The following ZNF66 variants were observed in gnomAD, a reference collection of about 807,000 sequenced individuals.
ZNF66 encodes the protein zinc finger protein 66, also known as putative zinc finger protein 66.
In ZNF66, 32 loss-of-function variants were observed where a neutral mutation model predicts 35.2. The observed-to-expected ratio is 0.91, with a 90% confidence interval of 0.69 to 1.22. The LOEUF is 1.22. Ranked by LOEUF, ZNF66 falls within the 50% of genes most tolerant of loss-of-function variation. The pLI, the probability that ZNF66 is intolerant of heterozygous loss-of-function variation, is 0.00. For synonymous variants in ZNF66, 231 were observed against 181.3 expected (o/e 1.27, Z -2.20); for missense variants, 666 against 543.1 (o/e 1.23, Z -2.25).
chr19:20,788,514 C>T (rs979679710), intron 1 of ZNF66, among the ~76,000 whole-genome samples: 2 of 152,042 alleles, frequency 1.3e-5, no homozygotes, highest in East Asian at 3.9e-4. Flanking sequence ...AAGTGATTCT[C>T]CTGCTTCAGC....
At chr19:20,778,656 G>T (rs1158375898) in intron 1 of ZNF66, among the ~76,000 whole-genome samples, 2 of 151,862 alleles carry the variant, frequency 1.3e-5, no homozygotes, top group Non-Finnish European at 2.9e-5. Context: ...GGTGGCATAT[G>T]CCTGTATTCC....
At chr19:20,797,555 G>GT (rs34886765) in intron 3 of ZNF66, among the ~76,000 whole-genome samples, 93,782 of 144,872 alleles carry the variant, frequency 0.65, 30,665 homozygotes, top group Non-Finnish European at 0.67. Flanking sequence ...ATATTAGTGT[G>GT]TTTTTCAGTG....
chr19:20,788,526 TCCTGAGTAG>T (rs1971307655), intron 1 of ZNF66, among the ~76,000 whole-genome samples: 1 of 152,052 alleles, frequency 6.6e-6, no homozygotes, highest in South Asian at 2.1e-4. Flanking sequence ...TGCTTCAGCC[TCCTGAGTAG>T]CTGGCATTAC....
chr19:20,795,121 C>T lies in ZNF66; in HGVS notation c.226+1243C>T, dbSNP rs144607170. On this transcript the variant is annotated intron_variant, in intron 3 of 3. Transcript: ENST00000344519. ...AACTCCTGACCTCAGATGATCTGCC[C>T]GCCTCTGCCTCCCAAAATGTTGGGA... Among the ~76,000 whole-genome samples the T allele has an allele frequency of 4.1e-3, 630 of 152,028 alleles. 2 individuals are homozygous for T. The highest frequency in any genetic ancestry group is 0.014 in the African/African-American group (583 of 41,496).
chr19:20,795,822 G>C (rs1490157277), intron 3 of ZNF66, among the ~76,000 whole-genome samples: 1 of 152,160 alleles, frequency 6.6e-6, no homozygotes, highest in Non-Finnish European at 1.5e-5. Flanking sequence ...CAGGTCTCTT[G>C]AATGTCAGGA....
At chr19:20,785,735 T>C (rs192102330) in intron 1 of ZNF66, among the ~76,000 whole-genome samples, 1 of 151,670 alleles carries the variant, frequency 6.6e-6, no homozygotes, top group Non-Finnish European at 1.5e-5. Context: ...CTGGAGAAAA[T>C]TTTTCTTCTT....
At chr19:20,788,202 C>T (rs935360456) in intron 1 of ZNF66, among the ~76,000 whole-genome samples, 2 of 152,080 alleles carry the variant, frequency 1.3e-5, no homozygotes, top group East Asian at 3.9e-4. Context: ...GCTTCAATTT[C>T]ATATAGCCAT....
intron 1 of ZNF66, among the ~76,000 whole-genome samples, chr19:20,789,673 T>A (rs1054721915): frequency 6.6e-5 from 10 of 151,998 alleles, no homozygotes; most frequent in African/African-American, 1.7e-4. Flanking sequence ...CCTTATAATT[T>A]AAAAAAAATT....
At chr19:20,793,999 GT>G (rs760761945) in intron 3 of ZNF66, 121 bp downstream of exon 3, 26 of 533,408 alleles carry the variant, frequency 4.9e-5, no homozygotes, top group South Asian at 1.4e-4. Flanking sequence ...CTGGGCAGCT[GT>G]TTTTTTTGTT....
chr19:20,792,373 G>T, intron 1 of ZNF66, 139 bp from the exon 2 acceptor site: 1 of 770,462 alleles, frequency 1.3e-6, no homozygotes, highest in Non-Finnish European at 1.9e-6. Flanking sequence ...TTTCTGTGTT[G>T]AAAATTATTT....
chr19:20,796,471 A>G (rs906691297), intron 3 of ZNF66, among the ~76,000 whole-genome samples: 13 of 152,164 alleles, frequency 8.5e-5, no homozygotes, highest in Non-Finnish European at 1.5e-4. Context: ...GGCAAAAAGG[A>G]ATTAAAGGAT....
At chr19:20,804,440 T>C (rs1383546997) in intron 3 of ZNF66, among the ~76,000 whole-genome samples, 1 of 152,062 alleles carries the variant, frequency 6.6e-6, no homozygotes, top group Non-Finnish European at 1.5e-5. Context: ...AGATAAGGTT[T>C]CACCATGTTG....
chr19:20,807,451 A>C lies in ZNF66; in HGVS notation c.*129A>C. 1.8e-6 allele frequency: 1 copy of C among 542,564 alleles called. No individual in the cohort carries two copies. 33.6% of individuals were successfully genotyped at this position (542,564 alleles called of 1,614,324 possible). A position where few individuals can be genotyped will look rare whatever the true frequency, so the allele number is the denominator to read the frequency against. On this transcript the variant is annotated 3_prime_UTR_variant, in exon 4 of 4. Coordinates refer to ENST00000344519, the MANE Select transcript of ZNF66 (RefSeq NM_001355197.2). Reference sequence around the variant, plus strand: ...AAATATGAGAATTTATGGAACACAAACACTACAAATATAAAGAATGTGACA... The same window carrying C: ...AAATATGAGAATTTATGGAACACAACCACTACAAATATAAAGAATGTGACA...
chr19:20,802,229 G>A (rs1442760931), intron 3 of ZNF66, among the ~76,000 whole-genome samples: 1 of 152,008 alleles, frequency 6.6e-6, no homozygotes, highest in Non-Finnish European at 1.5e-5. Flanking sequence ...ATATACTTTT[G>A]GATTTGCTGT....
At chr19:20,795,019 T>C (rs1483924492) in intron 3 of ZNF66, among the ~76,000 whole-genome samples, 1 of 151,506 alleles carries the variant, frequency 6.6e-6, no homozygotes, top group African/African-American at 2.4e-5. Flanking sequence ...TTACAGGTGT[T>C]CACCACAACA....
Position 20,797,189 on chromosome 19 carries a change from A to ATTTTTTTTT in ZNF66, c.226+3339_226+3347dup, listed in dbSNP as rs142052913. 1.8e-3 allele frequency among the ~76,000 whole-genome samples: 80 copies of ATTTTTTTTT among 45,480 alleles called. 14 individuals carry two copies. The highest frequency in any genetic ancestry group is 2.3e-3 in the Non-Finnish European group (56 of 24,166). 29.8% of individuals were successfully genotyped at this position (45,480 alleles called of 152,430 possible). On this transcript the variant is annotated intron_variant, in intron 3 of 3. Coordinates refer to ENST00000344519, the MANE Select transcript of ZNF66 (RefSeq NM_001355197.2). Reference sequence around the variant, plus strand: ...ATAATGCATCAATGTTGCATGCTAGATTTTTTTTTTTTTTTTTTTTTTTTT... The same window carrying ATTTTTTTTT: ...ATAATGCATCAATGTTGCATGCTAGATTTTTTTTTTTTTTTTTTTTTTTTTTTTTTTTTT...
intron 1 of ZNF66, among the ~76,000 whole-genome samples, chr19:20,781,565 A>G (rs930939892): frequency 1.4e-4 from 21 of 150,202 alleles, no homozygotes; most frequent in Admixed American, 4.0e-4. Flanking sequence ...GCTGGAGTGC[A>G]ATGGTGTGAT....
intron 1 of ZNF66, among the ~76,000 whole-genome samples, chr19:20,781,419 G>A (rs756367445): frequency 1.3e-5 from 2 of 151,832 alleles, no homozygotes; most frequent in Non-Finnish European, 2.9e-5. Context: ...AGTGTCTGTT[G>A]TTCTCCTCTT....
chr19:20,790,200 C>T (rs1971323487), intron 1 of ZNF66, among the ~76,000 whole-genome samples: 1 of 152,178 alleles, frequency 6.6e-6, no homozygotes. Context: ...GATTATCAGC[C>T]CAGGGTTCTC....
Sources: allele counts gnomAD v4.1 joint callset (sites outside exome capture counted in the v4.1 genomes callset), GRCh38; gene constraint gnomAD v4.1.1; transcripts MANE v1.5; gene names NCBI Gene and HGNC (gene_info 2026-07-23, HGNC 2026-07-21).